Variants in CFDP1 observed in about 807,000 individuals in gnomAD.
CFDP1 encodes the protein chromatin remodeling protein CFDP1.
Under a neutral mutation model 40.1 loss-of-function variants are expected in CFDP1, and 31 were observed. The observed-to-expected ratio is 0.77, with a 90% CI of 0.58 to 1.04. CFDP1 has a LOEUF of 1.04. CFDP1 is among the 50% of genes least tolerant of loss of function. The pLI, the probability that CFDP1 is intolerant of heterozygous loss-of-function variation, is 0.00. For missense variants in CFDP1, 423 were observed against 343.4 expected (o/e 1.23, Z -1.83); for synonymous variants, 167 against 120.0 (o/e 1.39, Z -2.56).
intron 1 of CFDP1, among the ~76,000 whole-genome samples, chr16:75,419,774 G>GTTAC (rs1474099206): frequency 6.6e-6 from 1 of 152,098 alleles, no homozygotes; most frequent in East Asian, 1.9e-4. Context: ...ACATCAGGAA[G>GTTAC]TTACTCTAAA....
intron 4 of CFDP1, among the ~76,000 whole-genome samples, chr16:75,411,154 GTCGCAATGAGCCGAGA>G (rs1314542583): frequency 6.6e-6 from 1 of 151,928 alleles, no homozygotes; most frequent in Non-Finnish European, 1.5e-5. Context: ...GGAGGTGGAG[GTCGCAATGAGCCGAGA>G]TCGCACCCTG....
At chr16:75,332,849 C>T (rs1353320338) in intron 5 of CFDP1, among the ~76,000 whole-genome samples, 2 of 148,542 alleles carry the variant, frequency 1.3e-5, no homozygotes, top group East Asian at 3.9e-4. Context: ...GTTCTGTCAC[C>T]CAGGCTGGAG....
In CFDP1 at chr16:75,293,945, C is replaced by G. The variant is rs753349696; in HGVS notation, c.*7G>C. On this transcript the variant is annotated 3_prime_UTR_variant, in exon 7 of 7. Transcript: ENST00000283882. ...GGATTAAGCTGCTCTTGATTTAGCC[C>G]GTAACATCAAGGTTTCATTTTGCTC... The G allele has an allele frequency of 2.5e-6, 4 of 1,610,436 alleles. No individual in the cohort carries two copies. The highest frequency in any genetic ancestry group is 1.7e-4 in the Middle Eastern group (1 of 6,060).
intron 4 of CFDP1, among the ~76,000 whole-genome samples, chr16:75,400,769 G>A (rs1055458171): frequency 6.6e-6 from 1 of 152,190 alleles, no homozygotes; most frequent in Admixed American, 6.5e-5. Flanking sequence ...GGAGTGCTAC[G>A]AAACTCATAT....
intron 4 of CFDP1, among the ~76,000 whole-genome samples, chr16:75,405,722 C>T (rs2079091479): frequency 6.7e-6 from 1 of 149,322 alleles, no homozygotes; most frequent in African/African-American, 2.5e-5. Flanking sequence ...TGCACTCCAG[C>T]CTGGGTGACA....
intron 5 of CFDP1, among the ~76,000 whole-genome samples, chr16:75,345,050 A>G (rs1481829792): frequency 6.6e-6 from 1 of 152,096 alleles, no homozygotes; most frequent in Non-Finnish European, 1.5e-5. Context: ...TAAGCCCAAG[A>G]GATCAAGACC....
chr16:75,316,307 AG>A (rs1440986545), intron 5 of CFDP1, among the ~76,000 whole-genome samples: 4 of 152,218 alleles, frequency 2.6e-5, no homozygotes, highest in East Asian at 3.8e-4. Flanking sequence ...TAATACTCTC[AG>A]GAAGTTCAGA....
chr16:75,333,276 G>A (rs1012287069), intron 5 of CFDP1, among the ~76,000 whole-genome samples: 34 of 151,604 alleles, frequency 2.2e-4, no homozygotes, highest in African/African-American at 7.5e-4. Context: ...GGCGCACGCC[G>A]CCACGCCTGG....
intron 6 of CFDP1, among the ~76,000 whole-genome samples, chr16:75,299,589 C>T: frequency 6.7e-6 from 1 of 148,314 alleles, no homozygotes. Context: ...AGCGAGACTC[C>T]ATCTCAAAAA....
At chr16:75,425,285 G>T (rs981552021) in intron 1 of CFDP1, among the ~76,000 whole-genome samples, 5 of 151,428 alleles carry the variant, frequency 3.3e-5, no homozygotes, top group African/African-American at 1.2e-4. Context: ...TACACAGGAG[G>T]CTGAGGAAGG....
chr16:75,369,599 G>A (rs75958385), intron 5 of CFDP1, among the ~76,000 whole-genome samples: 2,346 of 152,244 alleles, frequency 0.015, 18 homozygotes, highest in Non-Finnish European at 0.025. Context: ...TGATGAAACT[G>A]GAAAAGCAAT....
At chr16:75,320,288 G>GACTC (rs2078353326) in intron 5 of CFDP1, among the ~76,000 whole-genome samples, 1 of 152,120 alleles carries the variant, frequency 6.6e-6, no homozygotes, top group African/African-American at 2.4e-5. Context: ...ATGTGACCAT[G>GACTC]ACTCACACTG....
chr16:75,313,580 C>A (rs1433745211), intron 5 of CFDP1, among the ~76,000 whole-genome samples: 5 of 152,242 alleles, frequency 3.3e-5, no homozygotes, highest in Non-Finnish European at 7.3e-5. Flanking sequence ...ATCTGCCCGC[C>A]TGGGTCTCCC....
At chr16:75,301,516 A>G (rs1443835350) in intron 6 of CFDP1, among the ~76,000 whole-genome samples, 2 of 139,172 alleles carry the variant, frequency 1.4e-5, no homozygotes, top group African/African-American at 2.8e-5. Context: ...TTTTTTCTCA[A>G]CATTAGAGTT....
intron 1 of CFDP1, among the ~76,000 whole-genome samples, chr16:75,429,675 T>A (rs543919575): frequency 6.6e-6 from 1 of 151,986 alleles, no homozygotes; most frequent in African/African-American, 2.4e-5. Flanking sequence ...GTAAATACAC[T>A]GGAGTACTCA....
intron 5 of CFDP1, among the ~76,000 whole-genome samples, chr16:75,347,151 T>C (rs940517920): frequency 6.6e-6 from 1 of 151,008 alleles, no homozygotes; most frequent in African/African-American, 2.4e-5. Flanking sequence ...GACAACAGCC[T>C]GGTCAACATG....
intron 5 of CFDP1, among the ~76,000 whole-genome samples, chr16:75,351,602 A>C (rs2078611470): frequency 6.6e-6 from 1 of 152,240 alleles, no homozygotes; most frequent in African/African-American, 2.4e-5. Context: ...TGAGTTCATA[A>C]TAAAAAAATA....
intron 1 of CFDP1, among the ~76,000 whole-genome samples, chr16:75,423,499 C>G (rs564273475): frequency 5.9e-5 from 9 of 151,922 alleles, no homozygotes; most frequent in Non-Finnish European, 1.3e-4. Flanking sequence ...CTGGGTTTCA[C>G]CACGTTGGCG....
intron 5 of CFDP1, among the ~76,000 whole-genome samples, chr16:75,339,476 T>G (rs894160278): frequency 2.1e-5 from 3 of 145,612 alleles, no homozygotes; most frequent in Non-Finnish European, 4.5e-5. Context: ...TTCTTCAGTT[T>G]GGTGTTTCTT....
Sources: gnomAD v4.1 joint callset for allele counts (sites outside exome capture counted in the v4.1 genomes callset) on GRCh38, gnomAD v4.1.1 for gene constraint, MANE v1.5 for transcripts, NCBI Gene and HGNC (gene_info 2026-07-23, HGNC 2026-07-21) for gene names.